The following CSMD1 variants were observed in gnomAD, a reference collection of about 807,000 sequenced individuals.
CSMD1 encodes CUB and Sushi multiple domains 1.
In CSMD1, 213 loss-of-function variants were observed where a neutral mutation model predicts 417.5. The observed-to-expected ratio is 0.51, with a 90% CI of 0.46 to 0.57. The LOEUF (loss-of-function observed/expected upper bound fraction) is 0.57, where lower values mean the gene tolerates loss of function less well. CSMD1 is among the 20% of genes least tolerant of loss of function. CSMD1 has a pLI of 0.00. For missense variants in CSMD1, 6,923 were observed against 4,529.7 expected, an observed-to-expected ratio of 1.53 and a Z score of -15.17; for synonymous variants, 2,862 against 1,736.8, an observed-to-expected ratio of 1.65 and a Z score of -16.11.
At chr8:4,369,101 C>G (rs772255518) in intron 3 of CSMD1, among the ~76,000 whole-genome samples, 3 of 152,108 alleles carry the variant, frequency 2.0e-5, no homozygotes, top group Non-Finnish European at 4.4e-5. Context: ...AAACTTTCCT[C>G]TTAACACTGA....
intron 4 of CSMD1, among the ~76,000 whole-genome samples, chr8:4,020,121 C>G (rs531309989): frequency 1.3e-4 from 20 of 152,118 alleles, no homozygotes; most frequent in Non-Finnish European, 2.4e-4. Context: ...GTGTCAGGCT[C>G]TTTGCTAACC....
At chr8:3,390,442 G>C (rs1585093776) in intron 17 of CSMD1, among the ~76,000 whole-genome samples, 1 of 149,144 alleles carries the variant, frequency 6.7e-6, no homozygotes, top group South Asian at 2.1e-4. Flanking sequence ...ACTAAGACCA[G>C]TCTGTGGACA....
At chr8:3,897,522 G>T (rs1428441781) in intron 5 of CSMD1, among the ~76,000 whole-genome samples, 1 of 151,794 alleles carries the variant, frequency 6.6e-6, no homozygotes, top group Non-Finnish European at 1.5e-5. Context: ...AATGCTTAAA[G>T]CCTGTGTACA....
intron 3 of CSMD1, among the ~76,000 whole-genome samples, chr8:4,322,048 C>G (rs1309916465): frequency 1.3e-5 from 2 of 151,942 alleles, no homozygotes; most frequent in Non-Finnish European, 2.9e-5. Flanking sequence ...TTTTAAATGC[C>G]TAATTCACAG....
chr8:4,272,514 T>A (rs528289231), intron 3 of CSMD1, among the ~76,000 whole-genome samples: 1 of 152,188 alleles, frequency 6.6e-6, no homozygotes. Context: ...AAAAAATACA[T>A]AGAAACCACA....
chr8:3,879,519 A>T (rs1806063380), intron 5 of CSMD1, among the ~76,000 whole-genome samples: 1 of 152,188 alleles, frequency 6.6e-6, no homozygotes, highest in African/African-American at 2.4e-5. Context: ...AGCAAGGAAG[A>T]TGTAGCTCCT....
chr8:4,699,547 C>G (rs766445428), intron 1 of CSMD1, among the ~76,000 whole-genome samples: 59 of 152,190 alleles, frequency 3.9e-4, no homozygotes, highest in Non-Finnish European at 7.2e-4. Flanking sequence ...CTTATTAACT[C>G]TTCTGTGTGG....
At chr8:3,258,334 G>A (rs902277611) in intron 26 of CSMD1, among the ~76,000 whole-genome samples, 9 of 152,070 alleles carry the variant, frequency 5.9e-5, no homozygotes, top group Admixed American at 2.6e-4. Flanking sequence ...GCCAACAATC[G>A]TGGAAAAAAG....
chr8:4,255,098 G>C (rs568976282), intron 3 of CSMD1, among the ~76,000 whole-genome samples: 4 of 151,936 alleles, frequency 2.6e-5, no homozygotes, highest in Admixed American at 2.0e-4. Flanking sequence ...TTAACCCCTC[G>C]GTCTCTCTAC....
At chr8:4,510,399 A>AAAAAAAAAAAAAAAAAAAAAAAAAAAAAG (rs1802755548) in intron 2 of CSMD1, among the ~76,000 whole-genome samples, 1 of 84,318 alleles carries the variant, frequency 1.2e-5, no homozygotes, top group African/African-American at 4.5e-5. Context: ...CTAAAAAAAA[A>AAAAAAAAAAAAAAAAAAAAAAAAAAAAAG]AAAAAAAAAA....
intron 10 of CSMD1, among the ~76,000 whole-genome samples, chr8:3,497,888 G>C (rs919081738): frequency 5.9e-5 from 9 of 152,274 alleles, no homozygotes; most frequent in Admixed American, 2.0e-4. Flanking sequence ...TGCTCTACCA[G>C]TGAATATTAC....
At chr8:3,681,922 C>G (rs1240011111) in intron 7 of CSMD1, among the ~76,000 whole-genome samples, 3 of 152,054 alleles carry the variant, frequency 2.0e-5, no homozygotes, top group African/African-American at 4.8e-5. Context: ...ACAAATCTGA[C>G]AAAAACAAGA....
intron 3 of CSMD1, among the ~76,000 whole-genome samples, chr8:4,203,448 A>G (rs1799784257): frequency 6.6e-6 from 1 of 152,196 alleles, no homozygotes; most frequent in East Asian, 1.9e-4. Flanking sequence ...AAAAAAATCC[A>G]ATGTGCTTTT....
At chr8:4,385,670 C>G (rs1453953717) in intron 3 of CSMD1, among the ~76,000 whole-genome samples, 1 of 151,966 alleles carries the variant, frequency 6.6e-6, no homozygotes, top group Non-Finnish European at 1.5e-5. Flanking sequence ...AGGCATTATC[C>G]AAAGCACATG....
intron 2 of CSMD1, among the ~76,000 whole-genome samples, chr8:4,513,186 T>C (rs1021523326): frequency 6.6e-6 from 1 of 152,168 alleles, no homozygotes; most frequent in Admixed American, 6.6e-5. Context: ...GTTCATTGAT[T>C]GTAATAAATG....
At chr8:4,752,083 CTG>C (rs10561767) in intron 1 of CSMD1, among the ~76,000 whole-genome samples, 49,593 of 151,686 alleles carry the variant, frequency 0.33, 8,921 homozygotes, top group Admixed American at 0.47. Flanking sequence ...ATATTCATGT[CTG>C]TGTGTGTGTA....
intron 40 of CSMD1, among the ~76,000 whole-genome samples, chr8:3,145,663 T>C (rs534324192): frequency 5.9e-5 from 9 of 152,214 alleles, no homozygotes; most frequent in African/African-American, 2.2e-4. Flanking sequence ...TAAAATAGAA[T>C]TATCTAGCTA....
At chr8:3,678,442 T>C (rs1190697309) in intron 7 of CSMD1, among the ~76,000 whole-genome samples, 1 of 152,038 alleles carries the variant, frequency 6.6e-6, no homozygotes, top group African/African-American at 2.4e-5. Context: ...TATCAGTGAC[T>C]GAAGATCAAA....
chr8:4,724,085 T>A (rs1809253231), intron 1 of CSMD1, among the ~76,000 whole-genome samples: 1 of 152,178 alleles, frequency 6.6e-6, no homozygotes, highest in Non-Finnish European at 1.5e-5. Context: ...CTATATGCAC[T>A]TAAGTGAGCC....
Sources: gnomAD v4.1 joint callset for allele counts (sites outside exome capture counted in the v4.1 genomes callset) on GRCh38, gnomAD v4.1.1 for gene constraint, MANE v1.5 for transcripts, NCBI Gene and HGNC (gene_info 2026-07-23, HGNC 2026-07-21) for gene names.